The following INTS4 variants were observed in gnomAD, a reference collection of about 807,000 sequenced individuals.
The protein encoded by INTS4 is integrator complex subunit 4, also known as MSTP093.
Under a neutral mutation model 119.5 loss-of-function variants are expected in INTS4, and 70 were observed. That is an observed-to-expected ratio of 0.59 (90% CI 0.48 to 0.71). INTS4 has a LOEUF of 0.71. INTS4 is among the 30% of genes least tolerant of loss of function. The pLI, the probability that INTS4 is intolerant of heterozygous loss-of-function variation, is 0.00. For missense variants in INTS4, 867 were observed against 1,173.2 expected, an observed-to-expected ratio of 0.74 and a Z score of 3.81; for synonymous variants, 316 against 419.6, an observed-to-expected ratio of 0.75 and a Z score of 3.02.
intron 15 of INTS4, among the ~76,000 whole-genome samples, chr11:77,909,960 T>C (rs1953050827): frequency 6.6e-6 from 1 of 152,110 alleles, no homozygotes; most frequent in African/African-American, 2.4e-5. Flanking sequence ...CTGGAGAGGA[T>C]GTGGAGAAAT....
At chr11:77,970,510 G>T (rs1247684495) in intron 4 of INTS4, among the ~76,000 whole-genome samples, 1 of 151,790 alleles carries the variant, frequency 6.6e-6, no homozygotes, top group Non-Finnish European at 1.5e-5. Context: ...AATTTTTTGA[G>T]GAACTGCCAG....
chr11:77,957,458 G>C (rs1287323933), intron 7 of INTS4, among the ~76,000 whole-genome samples: 1 of 151,380 alleles, frequency 6.6e-6, no homozygotes, highest in Non-Finnish European at 1.5e-5. Flanking sequence ...GCTCAGGCAT[G>C]AGAATTGCTT....
chr11:77,978,879 T>C (rs780899401), intron 4 of INTS4, 117 bp downstream of exon 4: 14 of 629,910 alleles, frequency 2.2e-5, no homozygotes, highest in African/African-American at 5.5e-5. Context: ...CTTAACTTTA[T>C]TCCTAATCCA....
At chr11:77,935,385 A>G (rs970895745) in intron 10 of INTS4, among the ~76,000 whole-genome samples, 1 of 152,174 alleles carries the variant, frequency 6.6e-6, no homozygotes, top group African/African-American at 2.4e-5. Context: ...GGGAAGTCCA[A>G]TGTGGCTAGA....
chr11:77,974,162 T>C (rs1156517820), intron 4 of INTS4, among the ~76,000 whole-genome samples: 1 of 152,054 alleles, frequency 6.6e-6, no homozygotes, highest in African/African-American at 2.4e-5. Context: ...TTAGTCATTT[T>C]CAGTAGTTTT....
At chr11:77,875,516 G>A (rs1442560336), downstream of INTS4, among the ~76,000 whole-genome samples, 1 of 152,178 alleles carries the variant, frequency 6.6e-6, no homozygotes, top group Non-Finnish European at 1.5e-5. Context: ...GAAAATAACT[G>A]AGTGGAATGG....
intron 8 of INTS4, among the ~76,000 whole-genome samples, chr11:77,946,467 C>T (rs1435312290): frequency 6.6e-6 from 1 of 152,142 alleles, no homozygotes; most frequent in Admixed American, 6.6e-5. Context: ...CAAAGGAATA[C>T]AGTAAGTCTC....
chr11:77,884,680 T>A lies in INTS4; in HGVS notation c.2593-728A>T, dbSNP rs1041647138. 10 of 219,332 alleles carry A rather than the reference T, an allele frequency of 4.6e-5. No homozygotes were observed. In the East Asian group the frequency reaches 1.2e-3, roughly 25 times the overall value. The allele number at this position is 219,332 out of a possible 1,614,324, so 13.6% of individuals were successfully genotyped here. A position where few individuals can be genotyped will look rare whatever the true frequency, so the allele number is the denominator to read the frequency against. On this transcript the variant is annotated intron_variant, in intron 21 of 22. Coordinates refer to ENST00000534064, the MANE Select transcript of INTS4 (RefSeq NM_033547.4). ...GTCAATGTTGAAACTGCGGAAGGCA[T>A]GTCTCACCCACTTGCCCTATAATCC...
chr11:77,955,023 A>C (rs1316767157), intron 8 of INTS4, among the ~76,000 whole-genome samples: 1 of 152,204 alleles, frequency 6.6e-6, no homozygotes, highest in Non-Finnish European at 1.5e-5. Context: ...TCTACAGGAG[A>C]GTGAACTATT....
chr11:77,969,198 G>A (rs1855612612), intron 4 of INTS4, among the ~76,000 whole-genome samples: 1 of 152,172 alleles, frequency 6.6e-6, no homozygotes, highest in African/African-American at 2.4e-5. Context: ...GCCTCCCAGA[G>A]TGCTGGGATT....
At chr11:77,912,304 G>A (rs1004004454) in intron 15 of INTS4, among the ~76,000 whole-genome samples, 10 of 151,486 alleles carry the variant, frequency 6.6e-5, no homozygotes, top group East Asian at 1.9e-4. Context: ...AGAGGTTGCC[G>A]TGAACCGAGA....
At chr11:77,986,248 A>G (rs1856452220) in intron 2 of INTS4, among the ~76,000 whole-genome samples, 1 of 152,250 alleles carries the variant, frequency 6.6e-6, no homozygotes, top group Admixed American at 6.5e-5. Flanking sequence ...AATGCTCACC[A>G]TCACTGGTCA....
At chr11:77,988,276 G>C (rs1398766481) in intron 2 of INTS4, among the ~76,000 whole-genome samples, 2 of 152,188 alleles carry the variant, frequency 1.3e-5, no homozygotes, top group Non-Finnish European at 2.9e-5. Context: ...CTTAACAATT[G>C]TGCTAATGGA....
intron 21 of INTS4, 110 bp from the exon 22 acceptor site, chr11:77,884,062 C>T: frequency 8.9e-7 from 1 of 1,123,810 alleles, no homozygotes; most frequent in Admixed American, 2.2e-5. Flanking sequence ...ATGACACCAA[C>T]TTTACTAAGA....
At position 77,921,322 on chromosome 11, in the gene INTS4, C is replaced by G. The variant is rs1193544944; in HGVS notation, c.1764+18G>C. 1 of 1,609,474 alleles carries G rather than the reference C, an allele frequency of 6.2e-7. No homozygotes were observed. The highest frequency in any genetic ancestry group is 1.7e-5 in the Admixed American group (1 of 59,304). Reference sequence around the variant, plus strand: ...CCATGCAAAATAAAAACAAGGACAACAGATGTTTTCAACATACCCTCAAGG... The same window carrying G: ...CCATGCAAAATAAAAACAAGGACAAGAGATGTTTTCAACATACCCTCAAGG... On this transcript the variant is annotated intron_variant, in intron 14 of 22. Transcript: ENST00000534064.
Position 77,891,708 on chromosome 11 carries a change from G to T in INTS4, c.2421C>A (p.Ala807=). 1 of 1,611,990 alleles carries T rather than the reference G, an allele frequency of 6.2e-7. No homozygotes were observed. Among genetic ancestry groups the T allele is most frequent in the Non-Finnish European group, 8.5e-7 (1 of 1,179,854 alleles). Residue 807 remains alanine, a synonymous_variant, in exon 20 of 23, where the codon GCC becomes GCA. Coordinates refer to ENST00000534064, the MANE Select transcript of INTS4 (RefSeq NM_033547.4). ...KILQTMLRQS[A]FLHLPLPEQI... ...GCTCTGGAAGCGGGAGATGCAGAAA[G>T]GCACTCTGTCGCAGCATGGTCTGTA...
At chr11:77,892,918 T>C (rs1368136188) in intron 19 of INTS4, among the ~76,000 whole-genome samples, 1 of 152,124 alleles carries the variant, frequency 6.6e-6, no homozygotes, top group Non-Finnish European at 1.5e-5. Context: ...AGCTAGATGG[T>C]AAGTTTGCTA....
chr11:77,929,441 C>T (rs1178986824), intron 10 of INTS4, among the ~76,000 whole-genome samples: 5 of 152,208 alleles, frequency 3.3e-5, no homozygotes, highest in Non-Finnish European at 1.5e-5. Flanking sequence ...TCTACATTAA[C>T]TTCTTGAAAA....
intron 18 of INTS4, among the ~76,000 whole-genome samples, chr11:77,900,111 T>TTA (rs1952712688): frequency 1.3e-5 from 2 of 152,024 alleles, no homozygotes; most frequent in East Asian, 1.9e-4. Context: ...TTTTTTTTTT[T>TTA]TATATAAAGA....
Sources: gnomAD v4.1 joint callset for allele counts (sites outside exome capture counted in the v4.1 genomes callset) on GRCh38, gnomAD v4.1.1 for gene constraint, MANE v1.5 for transcripts, NCBI Gene and HGNC (gene_info 2026-07-23, HGNC 2026-07-21) for gene names.